The following LRRC8D variants were observed in gnomAD, a reference collection of about 807,000 sequenced individuals.
LRRC8D encodes the protein leucine rich repeat containing 8 VRAC subunit D, also known as volume-regulated anion channel subunit LRRC8D.
In LRRC8D, 20 loss-of-function variants were observed where a neutral mutation model predicts 55.8. The observed-to-expected ratio is 0.36, with a 90% CI of 0.25 to 0.52. The LOEUF (loss-of-function observed/expected upper bound fraction) is 0.52, where lower values mean the gene tolerates loss of function less well. LRRC8D is among the 20% of genes least tolerant of loss of function. The pLI, the probability that LRRC8D is intolerant of heterozygous loss-of-function variation, is 0.93. For synonymous variants in LRRC8D, 352 were observed against 377.0 expected (o/e 0.93, Z 0.77); for missense variants, 651 against 1,030.8 (o/e 0.63, Z 5.05).
intron 2 of LRRC8D, among the ~76,000 whole-genome samples, chr1:89,916,717 TCTC>T (rs1458403081): frequency 6.6e-6 from 1 of 152,182 alleles, no homozygotes; most frequent in Non-Finnish European, 1.5e-5. Context: ...TTTTTTTTCT[TCTC>T]AAAGCCTTCA....
chr1:89,831,699 G>A (rs147342400), intron 1 of LRRC8D, among the ~76,000 whole-genome samples: 2 of 152,198 alleles, frequency 1.3e-5, no homozygotes, highest in Non-Finnish European at 2.9e-5. Flanking sequence ...TAATGTGTAC[G>A]GTGGCTTCTA....
intron 2 of LRRC8D, among the ~76,000 whole-genome samples, chr1:89,925,831 G>A (rs1447052801): frequency 6.6e-6 from 1 of 152,160 alleles, no homozygotes; most frequent in Non-Finnish European, 1.5e-5. Flanking sequence ...TTCAAGTCCT[G>A]TGGCTGACAT....
rs758507096 is a variant in LRRC8D, at chr1:89,936,163, C to A, written c.*518C>A. On this transcript the variant is annotated 3_prime_UTR_variant, in exon 3 of 3. Transcript: ENST00000337338. Reference sequence around the variant, plus strand: ...TAATTTAAAGTGCCTCAAGTAAGCACCTCTCACAACAGTTGACTGGTACTG... The same window carrying A: ...TAATTTAAAGTGCCTCAAGTAAGCAACTCTCACAACAGTTGACTGGTACTG... 5.9e-6 allele frequency: 1 copy of A among 169,168 alleles called. No individual in the cohort carries two copies. Among genetic ancestry groups the A allele is most frequent in the Non-Finnish European group, 1.4e-5 (1 of 69,636 alleles). 10.5% of individuals were successfully genotyped at this position (169,168 alleles called of 1,614,324 possible).
intron 2 of LRRC8D, among the ~76,000 whole-genome samples, chr1:89,888,712 T>A (rs1255250855): frequency 6.6e-6 from 1 of 152,150 alleles, no homozygotes; most frequent in African/African-American, 2.4e-5. Context: ...CATCTTGTAG[T>A]GCTGGAAAGT....
intron 2 of LRRC8D, among the ~76,000 whole-genome samples, chr1:89,931,408 C>CCAGAATCAGCCTCAGAATCCTT (rs1663701279): frequency 6.6e-6 from 1 of 152,024 alleles, no homozygotes; most frequent in Non-Finnish European, 1.5e-5. Context: ...CCTACTGAAA[C>CCAGAATCAGCCTCAGAATCCTT]CAGAATCAGC....
chr1:89,894,370 A>G (rs956592761), intron 2 of LRRC8D, among the ~76,000 whole-genome samples: 57 of 152,366 alleles, frequency 3.7e-4, no homozygotes, highest in African/African-American at 1.3e-3. Context: ...AGCACATAGC[A>G]TTCTTGGCAT....
At chr1:89,881,960 A>G (rs987856180) in intron 2 of LRRC8D, among the ~76,000 whole-genome samples, 16 of 152,150 alleles carry the variant, frequency 1.1e-4, no homozygotes, top group African/African-American at 3.9e-4. Flanking sequence ...CAGTTTATCC[A>G]TATCCACTGC....
chr1:89,903,723 C>T (rs1662920718), intron 2 of LRRC8D, among the ~76,000 whole-genome samples: 1 of 152,190 alleles, frequency 6.6e-6, no homozygotes, highest in African/African-American at 2.4e-5. Flanking sequence ...CTTTACCACA[C>T]CTACTTTTGG....
intron 2 of LRRC8D, among the ~76,000 whole-genome samples, chr1:89,890,702 A>G (rs61773298): frequency 0.15 from 22,448 of 152,186 alleles, 1,875 homozygotes; most frequent in Non-Finnish European, 0.2. Flanking sequence ...TACATACCGT[A>G]GAACAATTCT....
In LRRC8D at chr1:89,933,677, C is replaced by T; in HGVS notation, c.609C>T (p.Cys203=). 6.2e-7 allele frequency: 1 copy of T among 1,614,102 alleles called. No homozygotes were observed. Among genetic ancestry groups the T allele is most frequent in the Non-Finnish European group, 8.5e-7 (1 of 1,180,034 alleles). Residue 203 remains cysteine, a synonymous_variant, in exon 3 of 3, where the codon TGC becomes TGT. Coordinates refer to ENST00000337338, the MANE Select transcript of LRRC8D (RefSeq NM_001134479.2). This position sits in a 1 kb window ranked among gnomAD's most constrained non-coding sequence, Gnocchi z 7.0. The stretch of plus-strand genomic sequence containing the variant: ...ATTTTGTTTCAATATTAGGAAAGTG[C>T]TTTGAATCCCCTTGGACGACAAAAG... ...VEHFVSILGK[C]FESPWTTKAL...
At chr1:89,858,993 A>ATT (rs1199717583) in intron 2 of LRRC8D, among the ~76,000 whole-genome samples, 1 of 152,224 alleles carries the variant, frequency 6.6e-6, no homozygotes, top group African/African-American at 2.4e-5. Context: ...TATTACAGCT[A>ATT]TGTTAAAGTC....
intron 2 of LRRC8D, among the ~76,000 whole-genome samples, chr1:89,894,068 A>C (rs1302071066): frequency 6.6e-6 from 1 of 152,220 alleles, no homozygotes; most frequent in African/African-American, 2.4e-5. Context: ...TAATTAGGGC[A>C]TGAGGGCTCT....
chr1:89,874,601 C>G (rs1444959810), intron 2 of LRRC8D, among the ~76,000 whole-genome samples: 2 of 151,996 alleles, frequency 1.3e-5, no homozygotes, highest in Non-Finnish European at 2.9e-5. Context: ...GGATAGGGTC[C>G]ACATGTTGCC....
chr1:89,827,660 G>T (rs1660795803), intron 1 of LRRC8D, among the ~76,000 whole-genome samples: 1 of 152,238 alleles, frequency 6.6e-6, no homozygotes, highest in African/African-American at 2.4e-5. Flanking sequence ...AGGCAGCCTT[G>T]ATAGTTCACT....
chr1:89,853,964 A>G (rs1463999746), intron 2 of LRRC8D, among the ~76,000 whole-genome samples: 1 of 152,160 alleles, frequency 6.6e-6, no homozygotes, highest in Non-Finnish European at 1.5e-5. Context: ...TTGGTTGAGA[A>G]TAGTGGTGAG....
intron 2 of LRRC8D, among the ~76,000 whole-genome samples, chr1:89,921,525 TTTG>T (rs1663418513): frequency 3.4e-5 from 5 of 147,124 alleles, no homozygotes; most frequent in African/African-American, 1.2e-4. Flanking sequence ...GTTTTTTTTG[TTTG>T]TTTGTTTTGT....
At chr1:89,831,381 G>C (rs951304800) in intron 1 of LRRC8D, among the ~76,000 whole-genome samples, 1 of 152,142 alleles carries the variant, frequency 6.6e-6, no homozygotes, top group Admixed American at 6.6e-5. Context: ...GGTTGCATTT[G>C]AACAGGTTGT....
intron 2 of LRRC8D, among the ~76,000 whole-genome samples, chr1:89,897,870 G>A (rs1662750813): frequency 6.6e-6 from 1 of 152,122 alleles, no homozygotes; most frequent in African/African-American, 2.4e-5. Flanking sequence ...GTGGGCAGCC[G>A]AGGTGCAGTG....
At chr1:89,845,343 A>C (rs967753944) in intron 2 of LRRC8D, among the ~76,000 whole-genome samples, 4 of 152,240 alleles carry the variant, frequency 2.6e-5, no homozygotes, top group Non-Finnish European at 5.9e-5. Flanking sequence ...TCCTAGATAG[A>C]CATGAACTTC....
Sources: gnomAD v4.1 joint callset for allele counts (sites outside exome capture counted in the v4.1 genomes callset) on GRCh38, gnomAD v4.1.1 for gene constraint, Gnocchi (gnomAD v3.1) non-coding constraint, MANE v1.5 for transcripts, NCBI Gene and HGNC (gene_info 2026-07-23, HGNC 2026-07-21) for gene names.